Variants in CHCHD3 observed in about 807,000 individuals in gnomAD.
CHCHD3 encodes the protein coiled-coil-helix-coiled-coil-helix domain containing 3, also known as MICOS complex subunit MIC19.
A neutral mutation model predicts 38.2 loss-of-function variants in CHCHD3; 20 were observed. That is an observed-to-expected ratio of 0.52 (90% CI 0.37 to 0.76). CHCHD3 has a LOEUF of 0.76. CHCHD3 is among the 30% of genes least tolerant of loss of function. CHCHD3 has a pLI of 0.00. For missense variants in CHCHD3, 245 were observed against 279.2 expected, an observed-to-expected ratio of 0.88 and a Z score of 0.87; for synonymous variants, 82 against 100.0, an observed-to-expected ratio of 0.82 and a Z score of 1.07.
intron 3 of CHCHD3, among the ~76,000 whole-genome samples, chr7:132,996,313 T>C (rs1410790623): frequency 6.6e-6 from 1 of 152,192 alleles, no homozygotes; most frequent in African/African-American, 2.4e-5. Flanking sequence ...CACGCAGTTA[T>C]TGACATCACA....
intron 5 of CHCHD3, among the ~76,000 whole-genome samples, chr7:132,878,175 A>AT: frequency 6.6e-6 from 1 of 152,282 alleles, no homozygotes. Context: ...TCACTGAAAT[A>AT]TTTTACAATG....
At chr7:132,915,378 T>G (rs1186167613) in intron 4 of CHCHD3, among the ~76,000 whole-genome samples, 2 of 152,152 alleles carry the variant, frequency 1.3e-5, no homozygotes, top group East Asian at 3.9e-4. Flanking sequence ...GGAAGTGGCA[T>G]GTGGAGGGCA....
intron 2 of CHCHD3, among the ~76,000 whole-genome samples, chr7:133,041,138 T>G (rs58712861): frequency 0.24 from 37,014 of 152,044 alleles, 4,683 homozygotes; most frequent in South Asian, 0.3. Context: ...GTTGGCCAAG[T>G]TTATTAGCTT....
At chr7:132,934,638 A>G (rs756207570) in intron 4 of CHCHD3, among the ~76,000 whole-genome samples, 1 of 152,196 alleles carries the variant, frequency 6.6e-6, no homozygotes, top group Non-Finnish European at 1.5e-5. Flanking sequence ...AAACAGGGCC[A>G]TCATGGAGTA....
intron 4 of CHCHD3, among the ~76,000 whole-genome samples, chr7:132,923,886 G>GT (rs1331619069): frequency 6.6e-6 from 1 of 152,074 alleles, no homozygotes; most frequent in Admixed American, 6.6e-5. Flanking sequence ...GAAAGATTAA[G>GT]CACAAAAATT....
chr7:133,019,382 T>C (rs1813119463), intron 3 of CHCHD3, among the ~76,000 whole-genome samples: 1 of 152,184 alleles, frequency 6.6e-6, no homozygotes, highest in African/African-American at 2.4e-5. Context: ...GTACCATCCC[T>C]GTAAATTTCA....
In CHCHD3 at chr7:133,057,569, G is replaced by GA. The variant is rs893918197; in HGVS notation, c.169+12572dup. Among the ~76,000 whole-genome samples, 15 of 147,922 alleles carry GA rather than the reference G, an allele frequency of 1.0e-4. No homozygotes were observed. In the South Asian group the frequency reaches 1.5e-3, roughly 15 times the overall value. On this transcript the variant is annotated intron_variant, in intron 2 of 7. Coordinates refer to ENST00000262570, the MANE Select transcript of CHCHD3 (RefSeq NM_017812.4). ...ACAGTAAGACCTCGTCTCAAAAAAA[G>GA]AAAAAAAAAGAAAAAAGGTTTCAGC...
chr7:132,942,683 T>A (rs1055824801), intron 4 of CHCHD3, among the ~76,000 whole-genome samples: 6 of 152,190 alleles, frequency 3.9e-5, no homozygotes, highest in Admixed American at 6.6e-5. Context: ...TAGACTGGTA[T>A]TACAGACATG....
chr7:133,022,856 G>GAA lies in CHCHD3; in HGVS notation c.251+1688_251+1689dup, dbSNP rs59201247. Among the ~76,000 whole-genome samples, 206 of 91,988 alleles carry GAA rather than the reference G, an allele frequency of 2.2e-3. No individual in the cohort carries two copies. The Middle Eastern group carries it at 0.054, about 24-fold the overall frequency. 60.3% of individuals were successfully genotyped at this position (91,988 alleles called of 152,430 possible). ...ATGGAAGCTGAATAATGAAGAAGAA[G>GAA]AAAAAAAAAAAACCCACAGTGAGTT... On this transcript the variant is annotated intron_variant, in intron 3 of 7. Transcript: ENST00000262570.
At chr7:132,956,733 T>C (rs1488304712) in intron 4 of CHCHD3, among the ~76,000 whole-genome samples, 1 of 152,200 alleles carries the variant, frequency 6.6e-6, no homozygotes, top group African/African-American at 2.4e-5. Context: ...ACTGATAGTC[T>C]AGGCCTTTTC....
chr7:132,811,240 G>A (rs906959830), intron 6 of CHCHD3, among the ~76,000 whole-genome samples: 5 of 152,144 alleles, frequency 3.3e-5, no homozygotes, highest in Non-Finnish European at 4.4e-5. Context: ...ACCCTTGCCT[G>A]CTAGTGGGAT....
At chr7:133,014,194 T>G (rs1231190991) in intron 3 of CHCHD3, among the ~76,000 whole-genome samples, 2 of 152,156 alleles carry the variant, frequency 1.3e-5, no homozygotes, top group Non-Finnish European at 2.9e-5. Flanking sequence ...AACAAGGAAT[T>G]TAAAAGATCC....
chr7:132,855,045 T>C (rs1386002506), intron 5 of CHCHD3, among the ~76,000 whole-genome samples: 1 of 152,200 alleles, frequency 6.6e-6, no homozygotes, highest in Non-Finnish European at 1.5e-5. Flanking sequence ...GCCACTATCT[T>C]TATTTTACCT....
intron 3 of CHCHD3, among the ~76,000 whole-genome samples, chr7:132,975,908 G>A (rs993466616): frequency 6.8e-6 from 1 of 146,882 alleles, no homozygotes; most frequent in Non-Finnish European, 1.5e-5. Flanking sequence ...TCTAGCCTGG[G>A]CGAATGAGAC....
chr7:132,894,269 C>T (rs1809440809), intron 4 of CHCHD3, among the ~76,000 whole-genome samples: 1 of 152,138 alleles, frequency 6.6e-6, no homozygotes, highest in Non-Finnish European at 1.5e-5. Context: ...TTTACTCCTC[C>T]AGTTTTCTAG....
intron 3 of CHCHD3, among the ~76,000 whole-genome samples, chr7:132,998,501 A>G (rs1449922033): frequency 6.6e-6 from 1 of 152,178 alleles, no homozygotes; most frequent in Non-Finnish European, 1.5e-5. Flanking sequence ...TATTCACAGG[A>G]TCACACCACT....
At chr7:132,803,117 A>T (rs1045389640) in intron 6 of CHCHD3, among the ~76,000 whole-genome samples, 2 of 152,212 alleles carry the variant, frequency 1.3e-5, no homozygotes, top group Admixed American at 1.3e-4. Context: ...CCTAGCATGC[A>T]CATAGTGGGA....
chr7:132,798,519 C>T (rs1455872290), intron 6 of CHCHD3, among the ~76,000 whole-genome samples: 1 of 152,130 alleles, frequency 6.6e-6, no homozygotes, highest in Non-Finnish European at 1.5e-5. Flanking sequence ...TATGATTAAG[C>T]ATCAGATCAG....
At chr7:132,931,056 C>T (rs1810501665) in intron 4 of CHCHD3, among the ~76,000 whole-genome samples, 1 of 152,148 alleles carries the variant, frequency 6.6e-6, no homozygotes, top group Non-Finnish European at 1.5e-5. Flanking sequence ...AGCACTAATA[C>T]AGCACTCACC....
Sources: gnomAD v4.1 joint callset for allele counts (sites outside exome capture counted in the v4.1 genomes callset) on GRCh38, gnomAD v4.1.1 for gene constraint, MANE v1.5 for transcripts, NCBI Gene and HGNC (gene_info 2026-07-23, HGNC 2026-07-21) for gene names.